Variants in CKAP5 observed in about 807,000 individuals in gnomAD.
The protein encoded by CKAP5 is cytoskeleton associated protein 5, also known as cytoskeleton-associated protein 5.
CKAP5 carries 27 observed loss-of-function variants against 232.8 expected under a neutral mutation model. That is an observed-to-expected ratio of 0.12 (90% confidence interval 0.09 to 0.16). The LOEUF (loss-of-function observed/expected upper bound fraction) is 0.16, where lower values mean the gene tolerates loss of function less well. CKAP5 is among the 10% of genes least tolerant of loss of function. The probability of loss-of-function intolerance (pLI) is 1.00; values close to 1 mark genes in which losing one functional copy is unlikely to be tolerated. For synonymous variants in CKAP5, 785 were observed against 841.1 expected (o/e 0.93, Z 1.16); for missense variants, 1,838 against 2,424.7 (o/e 0.76, Z 5.08).
chr11:46,791,201 G>A (rs1938708231), intron 13 of CKAP5, among the ~76,000 whole-genome samples: 1 of 151,802 alleles, frequency 6.6e-6, no homozygotes, highest in East Asian at 1.9e-4. Flanking sequence ...AAATTAATTT[G>A]AGAATGACAT....
intron 42 of CKAP5, among the ~76,000 whole-genome samples, chr11:46,749,927 C>CA (rs1165122275): frequency 7.1e-3 from 532 of 74,598 alleles, no homozygotes; most frequent in East Asian, 0.026. Flanking sequence ...AACTCCATCT[C>CA]AAAAAAAAAA....
chr11:46,819,166 AGTGTT>A (rs894374772), intron 2 of CKAP5, among the ~76,000 whole-genome samples: 8 of 152,188 alleles, frequency 5.3e-5, no homozygotes, highest in Non-Finnish European at 1.0e-4. Context: ...GCTTTGTCTT[AGTGTT>A]AAGAAAAAAT....
chr11:46,786,837 C>T (rs1271871930), intron 16 of CKAP5, among the ~76,000 whole-genome samples: 8 of 152,132 alleles, frequency 5.3e-5, no homozygotes, highest in Admixed American at 5.2e-4. Flanking sequence ...ACATACACAC[C>T]TTCCCCCTTG....
At chr11:46,800,736 T>C (rs1939006832) in intron 9 of CKAP5, among the ~76,000 whole-genome samples, 1 of 152,170 alleles carries the variant, frequency 6.6e-6, no homozygotes, top group Non-Finnish European at 1.5e-5. Context: ...CTCAAATATG[T>C]AAGTAAATTA....
intron 38 of CKAP5, among the ~76,000 whole-genome samples, chr11:46,752,191 T>C (rs71452739): frequency 0.41 from 29,092 of 70,334 alleles, 5,091 homozygotes; most frequent in East Asian, 0.61. Flanking sequence ...TATATATATA[T>C]ATACACACAC....
intron 16 of CKAP5, among the ~76,000 whole-genome samples, chr11:46,784,979 T>C (rs1373864637): frequency 1.3e-5 from 2 of 152,200 alleles, no homozygotes; most frequent in Non-Finnish European, 2.9e-5. Context: ...CTTATGATTA[T>C]TTGCATTTAG....
chr11:46,756,039 T>G (rs2065108742), intron 35 of CKAP5, among the ~76,000 whole-genome samples: 1 of 152,192 alleles, frequency 6.6e-6, no homozygotes. Flanking sequence ...AGATGAAAAG[T>G]GAGGCTCAGA....
chr11:46,816,295 T>C lies in CKAP5; in HGVS notation c.361A>G (p.Lys121Glu). ...AGCTCTTCTTGAACAGCCTCTCCTTTCTCAATCTCTATGTACATAAGACAG... is the reference window on the plus strand; with the variant it reads ...AGCTCTTCTTGAACAGCCTCTCCTTCCTCAATCTCTATGTACATAAGACAG... ...EICLMYIEIE[K>E]GEAVQEELLK... Residue 121 changes from lysine (K) to glutamate (E), a missense_variant, in exon 4 of 44, where the codon AAA (lysine) becomes GAA (glutamate). This residue lies in a region of CKAP5 where 285 missense variants were observed against 300.0 expected (regional missense o/e 0.95). Coordinates refer to ENST00000529230, the MANE Select transcript of CKAP5 (RefSeq NM_001008938.4). The C allele has an allele frequency of 6.2e-7, 1 of 1,614,136 alleles. No individual in the cohort carries two copies. Among genetic ancestry groups the C allele is most frequent in the Non-Finnish European group, 8.5e-7 (1 of 1,180,014 alleles).
intron 1 of CKAP5, among the ~76,000 whole-genome samples, chr11:46,837,821 A>G (rs1939950944): frequency 6.6e-6 from 1 of 152,244 alleles, no homozygotes; most frequent in Admixed American, 6.5e-5. Context: ...ATCAGTAAAT[A>G]CTTGACTAAA....
intron 12 of CKAP5, among the ~76,000 whole-genome samples, chr11:46,796,516 T>TA (rs144325929): frequency 0.046 from 6,977 of 152,238 alleles, 539 homozygotes; most frequent in African/African-American, 0.16. Context: ...TCTCAAAAGC[T>TA]AAGTTTTCAA....
chr11:46,762,902 G>T, intron 30 of CKAP5, 74 bp downstream of exon 30: 1 of 1,474,992 alleles, frequency 6.8e-7, no homozygotes, highest in South Asian at 1.2e-5. Context: ...AAAAAAGGGA[G>T]AGGAAATAAA....
At chr11:46,771,020 T>C (rs1281809941) in intron 24 of CKAP5, 38 bp from the exon 25 acceptor site, 1 of 1,549,510 alleles carries the variant, frequency 6.5e-7, no homozygotes, top group Admixed American at 1.8e-5. Flanking sequence ...ACACTTCAAA[T>C]GAAGACTGTT....
At chr11:46,840,781 T>C (rs891950838) in intron 1 of CKAP5, among the ~76,000 whole-genome samples, 7 of 152,162 alleles carry the variant, frequency 4.6e-5, no homozygotes, top group South Asian at 2.1e-4. Context: ...CTGAGTTCTA[T>C]GAACAGGTCT....
At chr11:46,783,709 TTTTG>T (rs1218992661) in intron 17 of CKAP5, among the ~76,000 whole-genome samples, 1 of 151,928 alleles carries the variant, frequency 6.6e-6, no homozygotes, top group African/African-American at 2.4e-5. Flanking sequence ...CTATAGAATT[TTTTG>T]TTTATTTGTT....
intron 4 of CKAP5, among the ~76,000 whole-genome samples, chr11:46,813,188 A>T (rs1321352211): frequency 6.6e-6 from 1 of 152,188 alleles, no homozygotes; most frequent in East Asian, 1.9e-4. Context: ...AAGATTTTTT[A>T]AAATGCTTTT....
At chr11:46,801,135 G>T in intron 9 of CKAP5, 65 bp downstream of exon 9, 1 of 1,164,098 alleles carries the variant, frequency 8.6e-7, no homozygotes, top group South Asian at 1.2e-5. Context: ...AAAGCAAACA[G>T]CAAACTAGGC....
chr11:46,791,435 C>A (rs1324909567), intron 13 of CKAP5, among the ~76,000 whole-genome samples: 1 of 151,912 alleles, frequency 6.6e-6, no homozygotes, highest in African/African-American at 2.4e-5. Context: ...TCCCAGCACT[C>A]TGGGAGGCTA....
At chr11:46,776,013 TAAGAA>T (rs1300902499) in intron 24 of CKAP5, among the ~76,000 whole-genome samples, 1 of 151,940 alleles carries the variant, frequency 6.6e-6, no homozygotes, top group African/African-American at 2.4e-5. Flanking sequence ...TTTAAATGTT[TAAGAA>T]AAGGGAAAAA....
rs548577064 is a variant in CKAP5 at position 46,780,355 on chromosome 11, A to G, written c.2308-36T>C. The stretch of plus-strand genomic sequence containing the variant: ...GAAGAAAAATAACTTTTTAAATCAC[A>G]AAGATGGCAATAATAACTTTTTAAA... On this transcript the variant is annotated intron_variant, in intron 19 of 43. Coordinates refer to ENST00000529230, the MANE Select transcript of CKAP5 (RefSeq NM_001008938.4). 2.5e-6 allele frequency: 4 copies of G among 1,613,740 alleles called. No individual in the cohort carries two copies. In the South Asian group the frequency reaches 4.4e-5, roughly 18 times the overall value.
Sources: gnomAD v4.1 joint callset for allele counts (sites outside exome capture counted in the v4.1 genomes callset) on GRCh38, gnomAD v4.1.1 for gene constraint, gnomAD v4.1.1 regional missense constraint, MANE v1.5 for transcripts, NCBI Gene and HGNC (gene_info 2026-07-23, HGNC 2026-07-21) for gene names.